SLC30A9: variants seen among roughly 807,000 people sequenced by gnomAD.
SLC30A9 encodes the protein proton-coupled zinc antiporter SLC30A9, mitochondrial.
SLC30A9 carries 58 observed loss-of-function variants against 87.5 expected under a neutral mutation model. That is an observed-to-expected ratio of 0.66 (90% confidence interval 0.54 to 0.82). The LOEUF is 0.82. SLC30A9 is among the 40% of genes least tolerant of loss of function. The pLI is 0.00. For synonymous variants in SLC30A9, 234 were observed against 233.0 expected, an observed-to-expected ratio of 1.00 and a Z score of -0.04; for missense variants, 557 against 679.1, an observed-to-expected ratio of 0.82 and a Z score of 2.00.
chr4:42,075,507 T>A, intron 15 of SLC30A9, 150 bp from the exon 16 acceptor site: 1 of 626,254 alleles, frequency 1.6e-6, no homozygotes, highest in Non-Finnish European at 2.7e-6. Flanking sequence ...AAATGATAGG[T>A]GGTACTTAAT....
At chr4:42,041,557 G>A (rs2153137659) in intron 8 of SLC30A9, among the ~76,000 whole-genome samples, 1 of 152,284 alleles carries the variant, frequency 6.6e-6, no homozygotes, top group South Asian at 2.1e-4. Flanking sequence ...AACATAGTGA[G>A]ACCTTGTACC....
At position 42,086,085 on chromosome 4, in the gene SLC30A9, C is replaced by T; in HGVS notation, c.1666C>T (p.Arg556Ter). The change falls in exon 18 of 18, where the codon CGA (arginine) becomes TGA (stop). Residue 556 changes from arginine to a stop codon, truncating the protein, a stop_gained. Coordinates refer to ENST00000264451, the MANE Select transcript of SLC30A9 (RefSeq NM_006345.4). LOFTEE classifies it high-confidence loss of function. Reference sequence around the variant, plus strand: ...TGGTGGTGATTTTTCTTTCCAGAAACGAAATCCTGAAGTTCGACATGTAGA... The same window carrying T: ...TGGTGGTGATTTTTCTTTCCAGAAATGAAATCCTGAAGTTCGACATGTAGA... ...VDRLEKELKK[R>*]NPEVRHVDLE... The T allele has an allele frequency of 1.4e-6, 2 of 1,446,476 alleles. No homozygotes were observed. The highest frequency in any genetic ancestry group is 1.5e-5 in the African/African-American group (1 of 68,218). The allele number at this position is 1,446,476 out of a possible 1,614,324, so 89.6% of individuals were successfully genotyped here. A position where few individuals can be genotyped will look rare whatever the true frequency, so the allele number is the denominator to read the frequency against.
intron 1 of SLC30A9, among the ~76,000 whole-genome samples, chr4:41,996,498 G>A (rs983433961): frequency 1.3e-5 from 2 of 151,594 alleles, no homozygotes; most frequent in Non-Finnish European, 2.9e-5. Context: ...GCAAAATTTG[G>A]GAGGCCAAGG....
At chr4:42,015,510 A>G (rs1374757079) in intron 2 of SLC30A9, among the ~76,000 whole-genome samples, 1 of 152,182 alleles carries the variant, frequency 6.6e-6, no homozygotes, top group East Asian at 1.9e-4. Context: ...TCATAATCTA[A>G]ATATGTGGAA....
intron 9 of SLC30A9, among the ~76,000 whole-genome samples, chr4:42,053,213 A>G (rs1460914877): frequency 6.6e-6 from 1 of 152,194 alleles, no homozygotes; most frequent in Non-Finnish European, 1.5e-5. Context: ...TGACAGCCAA[A>G]TGTTGGTGAA....
chr4:42,003,551 G>A (rs1451432700), intron 2 of SLC30A9, among the ~76,000 whole-genome samples: 1 of 152,162 alleles, frequency 6.6e-6, no homozygotes, highest in African/African-American at 2.4e-5. Flanking sequence ...TGCAGCTACT[G>A]TTTTTCTTTA....
intron 2 of SLC30A9, among the ~76,000 whole-genome samples, chr4:42,009,819 G>A (rs1715364630): frequency 6.6e-6 from 1 of 152,152 alleles, no homozygotes; most frequent in Non-Finnish European, 1.5e-5. Context: ...AGAAACTAGG[G>A]TTGTTTCTGA....
intron 10 of SLC30A9, 73 bp from the exon 11 acceptor site, chr4:42,062,913 A>G: frequency 8.1e-7 from 1 of 1,233,888 alleles, no homozygotes; most frequent in Non-Finnish European, 1.1e-6. Context: ...TTTTTCATTG[A>G]CCTATTAAGC....
At chr4:42,006,298 T>C (rs1318563258) in intron 2 of SLC30A9, among the ~76,000 whole-genome samples, 4 of 152,160 alleles carry the variant, frequency 2.6e-5, no homozygotes, top group Non-Finnish European at 4.4e-5. Flanking sequence ...TCATTAATGG[T>C]GCTGCAGGGG....
chr4:42,011,218 G>A (rs1379065611), intron 2 of SLC30A9, among the ~76,000 whole-genome samples: 1 of 152,210 alleles, frequency 6.6e-6, no homozygotes, highest in African/African-American at 2.4e-5. Flanking sequence ...AGGGTGGCAG[G>A]AGAGAGAATA....
intron 2 of SLC30A9, among the ~76,000 whole-genome samples, chr4:42,014,957 A>C (rs1265549424): frequency 1.3e-5 from 2 of 152,194 alleles, no homozygotes; most frequent in Non-Finnish European, 2.9e-5. Flanking sequence ...ACAAAACTGC[A>C]GTTAGATAGA....
chr4:42,025,284 A>G (rs945126140), intron 6 of SLC30A9, among the ~76,000 whole-genome samples: 3 of 152,202 alleles, frequency 2.0e-5, no homozygotes, highest in Non-Finnish European at 4.4e-5. Context: ...CTGTTTTAGA[A>G]AAGTTAACTA....
At position 41,990,618 on chromosome 4, in the gene SLC30A9, G is replaced by T; in HGVS notation, c.-34G>T. 1 of 1,350,986 alleles carries T rather than the reference G, an allele frequency of 7.4e-7. No homozygotes were observed. Among genetic ancestry groups the T allele is most frequent in the Non-Finnish European group, 1.0e-6 (1 of 956,418 alleles). 83.7% of individuals were successfully genotyped at this position (1,350,986 alleles called of 1,614,324 possible). On this transcript the variant is annotated 5_prime_UTR_variant, in exon 1 of 18. Transcript: ENST00000264451. ...ACCGGTGGCGGCGCGGAGGCAGAAG[G>T]CGGTGTCCGAGTAGGGGCCTCTGCC...
chr4:42,022,302 A>G (rs2153135539), intron 4 of SLC30A9, among the ~76,000 whole-genome samples: 1 of 136,418 alleles, frequency 7.3e-6, no homozygotes, highest in Admixed American at 8.7e-5. Flanking sequence ...ATCTTGGCTC[A>G]CTGTAACCTC....
chr4:42,018,073 A>G, intron 2 of SLC30A9, 38 bp from the exon 3 acceptor site: 1 of 1,082,918 alleles, frequency 9.2e-7, no homozygotes, highest in Non-Finnish European at 1.4e-6. Context: ...TTATGAAAGC[A>G]GTTGTTTAAT....
rs1203213164 is a variant in SLC30A9 at position 42,087,992 on chromosome 4, T to G, written c.*1866T>G. On this transcript the variant is annotated 3_prime_UTR_variant, in exon 18 of 18. Coordinates refer to ENST00000264451, the MANE Select transcript of SLC30A9 (RefSeq NM_006345.4). ...GTGCAGCAGGTATTCCAAATGGTAA[T>G]TTTTTTTTTTTAGGATTCCCTAATA... 2 of 25,092 alleles carry G rather than the reference T, an allele frequency of 8.0e-5. No individual in the cohort carries two copies. The highest frequency in any genetic ancestry group is 6.8e-4 in the Non-Finnish European group (2 of 2,932). 1.6% of individuals were successfully genotyped at this position (25,092 alleles called of 1,614,324 possible).
chr4:42,057,616 G>C (rs1005994704), intron 9 of SLC30A9, among the ~76,000 whole-genome samples: 1 of 152,012 alleles, frequency 6.6e-6, no homozygotes, highest in African/African-American at 2.4e-5. Context: ...TGATTCAAGG[G>C]GCTGCCACAA....
chr4:42,009,090 CAG>C (rs986519986), intron 2 of SLC30A9, among the ~76,000 whole-genome samples: 3 of 152,262 alleles, frequency 2.0e-5, no homozygotes, highest in African/African-American at 7.2e-5. Context: ...AACACAGACT[CAG>C]GGGAAAATAT....
intron 8 of SLC30A9, among the ~76,000 whole-genome samples, chr4:42,040,493 A>G (rs867996422): frequency 6.6e-6 from 1 of 152,322 alleles, no homozygotes; most frequent in South Asian, 2.1e-4. Flanking sequence ...TATATATAGT[A>G]TCAGGAATAA....
Sources: gnomAD v4.1 joint callset for allele counts (sites outside exome capture counted in the v4.1 genomes callset) on GRCh38, gnomAD v4.1.1 for gene constraint, MANE v1.5 for transcripts, NCBI Gene and HGNC (gene_info 2026-07-23, HGNC 2026-07-21) for gene names.